STON2: variants seen among roughly 807,000 people sequenced by gnomAD.
STON2 encodes stonin-2.
STON2 carries 29 observed loss-of-function variants against 65.7 expected under a neutral mutation model. That is an observed-to-expected ratio of 0.44 (90% CI 0.33 to 0.60). The LOEUF is 0.60. Among genes scored for constraint, STON2 ranks in the 20% least tolerant of loss-of-function variants. The pLI, the probability that STON2 is intolerant of heterozygous loss-of-function variation, is 0.03. For missense variants in STON2, 1,054 were observed against 1,118.1 expected (o/e 0.94, Z 0.82); for synonymous variants, 404 against 414.2 (o/e 0.98, Z 0.30).
intron 5 of STON2, among the ~76,000 whole-genome samples, chr14:81,279,424 C>T (rs923526215): frequency 3.3e-5 from 5 of 152,144 alleles, no homozygotes; most frequent in Non-Finnish European, 7.3e-5. Flanking sequence ...GGCACAGTGG[C>T]TCATGCCTGT....
At position 81,277,107 on chromosome 14, in the gene STON2, G is replaced by C; in HGVS notation, c.2375C>G (p.Pro792Arg). 1 of 1,614,192 alleles carries C rather than the reference G, an allele frequency of 6.2e-7. No individual in the cohort carries two copies. ...GCGGAAGTTTTTCACCCACTCACTG[G>C]GCACAGGGTAACGGATCATCACATT... ...CENVMIRYPVPSEWVKNFRRE... is the reference protein window; with the variant it reads ...CENVMIRYPVRSEWVKNFRRE... The change falls in exon 6 of 8, where the codon CCC (proline) becomes CGC (arginine). Residue 792 changes from proline to arginine, a missense_variant. By Grantham distance (103) the Pro-to-Arg change is moderately radical (BLOSUM62 -2). Coordinates refer to ENST00000614646, the MANE Select transcript of STON2 (RefSeq NM_001394390.1).
intron 4 of STON2, among the ~76,000 whole-genome samples, chr14:81,348,963 C>CA (rs1483442581): frequency 6.6e-6 from 1 of 152,066 alleles, no homozygotes; most frequent in Non-Finnish European, 1.5e-5. Context: ...TGACTTTCAA[C>CA]AAAGGTGTTA....
intron 5 of STON2, among the ~76,000 whole-genome samples, chr14:81,315,145 T>A (rs1300251662): frequency 6.6e-6 from 1 of 152,178 alleles, no homozygotes; most frequent in Non-Finnish European, 1.5e-5. Flanking sequence ...AATTTAGAAG[T>A]GAACACAGGC....
chr14:81,433,699 T>C lies in STON2; in HGVS notation c.-310+2622A>G, dbSNP rs151048872. Among the ~76,000 whole-genome samples the C allele has an allele frequency of 9.2e-5, 14 of 152,326 alleles. 1 individual carries two copies. The East Asian group carries it at 2.5e-3, about 27-fold the overall frequency. On this transcript the variant is annotated intron_variant, in intron 1 of 8. Coordinates refer to the STON2 transcript ENST00000553821. Reference sequence around the variant, plus strand: ...TTTGTTCTATCATGTCCTTTTTCCCTTTGTCATAAATAAGATCCACATTGT... The same window carrying C: ...TTTGTTCTATCATGTCCTTTTTCCCCTTGTCATAAATAAGATCCACATTGT...
intron 3 of STON2, among the ~76,000 whole-genome samples, chr14:81,383,304 A>G (rs2140401478): frequency 1.3e-5 from 2 of 152,302 alleles, no homozygotes; most frequent in Non-Finnish European, 2.9e-5. Context: ...TGAAGAGAGT[A>G]CAAACCTCCT....
At chr14:81,290,951 C>T (rs59515770) in intron 5 of STON2, among the ~76,000 whole-genome samples, 5,403 of 152,198 alleles carry the variant, frequency 0.035, 307 homozygotes, top group African/African-American at 0.12. Context: ...CAGCATACAC[C>T]TGGCACATAG....
chr14:81,363,180 G>A (rs1176903033), intron 4 of STON2, among the ~76,000 whole-genome samples: 1 of 152,126 alleles, frequency 6.6e-6, no homozygotes, highest in Non-Finnish European at 1.5e-5. Context: ...CTCTTTAGCT[G>A]TTGTTTCTGC....
Position 81,268,436 on chromosome 14 carries a change from G to A in STON2, c.2846C>T (p.Pro949Leu), listed in dbSNP as rs1322095340. The A allele has an allele frequency of 1.6e-6, 2 of 1,289,388 alleles. No individual in the cohort carries two copies. The allele number at this position is 1,289,388 out of a possible 1,614,324, so 79.9% of individuals were successfully genotyped here. Residue 949 changes from proline (P) to leucine (L), a missense_variant, in exon 8 of 8, where the codon CCC (proline) becomes CTC (leucine). Physicochemically the swap from Pro to Leu is moderately conservative, Grantham distance 98. Transcript: ENST00000614646. The stretch of plus-strand genomic sequence containing the variant: ...TTGTCACTGCACTCCACACTCCTTG[G>A]GATTTTCCATTTCATCTCCTTCAAA... ...PDFEGDEMEN[P>L]KECGVQ
In STON2 at chr14:81,264,991, T is replaced by C; in HGVS notation, c.*3423A>G. ...TTGATACCACGTGATATCTAATTTA[T>C]GTTCTAAGAGTAATACTATGTACTG... is the stretch of plus-strand genomic sequence containing the variant. On this transcript the variant is annotated 3_prime_UTR_variant, in exon 8 of 8. Coordinates refer to ENST00000614646, the MANE Select transcript of STON2 (RefSeq NM_001394390.1). The C allele has an allele frequency of 1.0e-6, 1 of 983,804 alleles. No homozygotes were observed. The highest frequency in any genetic ancestry group is 1.2e-6 in the Non-Finnish European group (1 of 828,530). 60.9% of individuals were successfully genotyped at this position (983,804 alleles called of 1,614,324 possible). A position where few individuals can be genotyped will look rare whatever the true frequency, so the allele number is the denominator to read the frequency against.
upstream of STON2, among the ~76,000 whole-genome samples, chr14:81,403,506 T>C (rs1391260122): frequency 1.3e-5 from 2 of 152,168 alleles, no homozygotes; most frequent in African/African-American, 4.8e-5. Context: ...ATTGAGGGAA[T>C]GCTAAAAGGT....
chr14:81,269,915 T>C (rs2140097852), intron 7 of STON2: 1 of 985,452 alleles, frequency 1.0e-6, no homozygotes, highest in African/African-American at 1.7e-5. Flanking sequence ...AGTTTTGTCC[T>C]GTTATAGCCC....
At chr14:81,386,346 A>T (rs1169502979) in intron 3 of STON2, among the ~76,000 whole-genome samples, 1 of 151,364 alleles carries the variant, frequency 6.6e-6, no homozygotes, top group Admixed American at 6.6e-5. Context: ...CCCACCACTC[A>T]CTACCCCCAT....
intron 5 of STON2, 145 bp from the exon 6 acceptor site, chr14:81,278,884 G>C (rs111342370): frequency 1.7e-6 from 1 of 598,516 alleles, no homozygotes; most frequent in East Asian, 2.8e-5. Flanking sequence ...CAAGTGCTTA[G>C]TCTGGGCATA....
rs565508695 is a variant in STON2, at chr14:81,279,678, G to A, written c.743-939C>T. 5.9e-5 allele frequency among the ~76,000 whole-genome samples: 9 copies of A among 151,728 alleles called. No individual in the cohort carries two copies. The East Asian group carries it at 1.2e-3, about 20-fold the overall frequency. On this transcript the variant is annotated intron_variant, in intron 5 of 7. Coordinates refer to ENST00000614646, the MANE Select transcript of STON2 (RefSeq NM_001394390.1). ...TGCACTCCAGCCTGGGCAACAGAGC[G>A]AGACTCTGTCTCAAAAATGAAAAAT... is the stretch of plus-strand genomic sequence containing the variant.
At chr14:81,302,470 C>A (rs748224940) in intron 5 of STON2, among the ~76,000 whole-genome samples, 8 of 152,190 alleles carry the variant, frequency 5.3e-5, no homozygotes, top group Non-Finnish European at 1.2e-4. Flanking sequence ...AATGTTAAAG[C>A]ATTTATGCAA....
rs745674711 is a variant in STON2 at position 81,268,402 on chromosome 14, C to T, written c.*12G>A. 8 of 1,289,284 alleles carry T rather than the reference C, an allele frequency of 6.2e-6. No individual in the cohort carries two copies. Among genetic ancestry groups the T allele is most frequent in the African/African-American group, 6.1e-5 (4 of 65,832 alleles). The allele number at this position is 1,289,284 out of a possible 1,614,324, so 79.9% of individuals were successfully genotyped here. On this transcript the variant is annotated 3_prime_UTR_variant, in exon 8 of 8. Transcript: ENST00000614646. The stretch of plus-strand genomic sequence containing the variant: ...TGACTCTGGGATCAGGATTCCTTGC[C>T]GCAAGGCTTTGTCACTGCACTCCAC...
Position 81,265,688 on chromosome 14 carries a change from T to C in STON2, c.*2726A>G, listed in dbSNP as rs1894333571. On this transcript the variant is annotated 3_prime_UTR_variant, in exon 8 of 8. Transcript: ENST00000614646. ...TAATAATAATAATACTCTGTCTCAA[T>C]AATAATAATAATAATAATTTGTTTG... 5.2e-6 allele frequency: 2 copies of C among 382,384 alleles called. No individual in the cohort carries two copies. Among genetic ancestry groups the C allele is most frequent in the Non-Finnish European group, 3.5e-6 (1 of 287,652 alleles). The allele number at this position is 382,384 out of a possible 1,614,324, so 23.7% of individuals were successfully genotyped here. A position where few individuals can be genotyped will look rare whatever the true frequency, so the allele number is the denominator to read the frequency against.
chr14:81,286,514 A>G (rs930480917), intron 5 of STON2, among the ~76,000 whole-genome samples: 5 of 152,258 alleles, frequency 3.3e-5, no homozygotes, highest in African/African-American at 9.6e-5. Flanking sequence ...TAAAGCATGT[A>G]CATTGTTTAC....
chr14:81,389,361 C>T (rs943480295), intron 3 of STON2, among the ~76,000 whole-genome samples: 1 of 152,164 alleles, frequency 6.6e-6, no homozygotes, highest in Admixed American at 6.5e-5. Context: ...AAATACAGCA[C>T]ACCAAACACC....
Sources: allele counts gnomAD v4.1 joint callset (sites outside exome capture counted in the v4.1 genomes callset), GRCh38; gene constraint gnomAD v4.1.1; transcripts MANE v1.5; gene names NCBI Gene and HGNC (gene_info 2026-07-23, HGNC 2026-07-21).